DCAF13: variants seen among roughly 807,000 people sequenced by gnomAD.
The protein encoded by DCAF13 is DDB1- and CUL4-associated factor 13.
A neutral mutation model predicts 59.0 loss-of-function variants in DCAF13; 38 were observed. That is an observed-to-expected ratio of 0.64 (90% CI 0.50 to 0.84). The LOEUF (loss-of-function observed/expected upper bound fraction) is 0.84. DCAF13 is among the 40% of genes least tolerant of loss of function. The probability of loss-of-function intolerance (pLI) is 0.00; values close to 1 mark genes in which losing one functional copy is unlikely to be tolerated. For missense variants in DCAF13, 469 were observed against 558.4 expected (o/e 0.84, Z 1.61); for synonymous variants, 173 against 175.0 (o/e 0.99, Z 0.09).
rs140680400 is a variant in DCAF13 at position 103,432,579 on chromosome 8, G to A, written c.703-80G>A. The A allele has an allele frequency of 3.9e-5, 33 of 854,506 alleles. No individual in the cohort carries two copies. The African/African-American group carries it at 5.4e-4, about 14-fold the overall frequency. The allele number at this position is 854,506 out of a possible 1,614,324, so 52.9% of individuals were successfully genotyped here. ...GCTGAGTACTTTACACATAATAGGT[G>A]TTTATGAAATATTTGCTTAAATCAG... On this transcript the variant is annotated intron_variant, in intron 6 of 10. Coordinates refer to ENST00000612750, the MANE Select transcript of DCAF13 (RefSeq NM_015420.7).
At chr8:103,430,748 T>A in intron 6 of DCAF13, 59 bp downstream of exon 6, 1 of 1,215,212 alleles carries the variant, frequency 8.2e-7, no homozygotes, top group East Asian at 2.4e-5. Flanking sequence ...TCTCTGTAAA[T>A]AGAGTGACTA....
intron 5 of DCAF13, 198 bp downstream of exon 5, chr8:103,427,450 C>G (rs1816810007): frequency 3.4e-6 from 2 of 586,930 alleles, no homozygotes; most frequent in Admixed American, 3.1e-5. Flanking sequence ...GTCCCAGATA[C>G]TAGAGTTAAG....
rs1816706870 is a variant in DCAF13 at position 103,420,415 on chromosome 8, G to A, written c.222G>A (p.Lys74=). The A allele has an allele frequency of 1.2e-6, 2 of 1,614,112 alleles. No homozygotes were observed. The highest frequency in any genetic ancestry group is 2.2e-5 in the South Asian group (2 of 91,064). ...GTGATGGAGTCAATTGCTTGGCAAA[G>A]CATCCAGAGAAGCTGGCTACTGTCC... ...GHRDGVNCLA[K]HPEKLATVLS... Residue 74 remains lysine, a synonymous_variant, in exon 2 of 11, where the codon AAG becomes AAA. Coordinates refer to ENST00000612750, the MANE Select transcript of DCAF13 (RefSeq NM_015420.7).
At position 103,418,824 on chromosome 8, in the gene DCAF13, TTATATATATATATATATATATA is replaced by T. The variant is rs1188672878; in HGVS notation, c.71-1418_71-1397del. Among the ~76,000 whole-genome samples, 192 of 41,400 alleles carry T rather than the reference TTATATATATATATATATATATA, an allele frequency of 4.6e-3. 2 individuals carry two copies. Among genetic ancestry groups the T allele is most frequent in the Middle Eastern group, 0.031 (1 of 32 alleles). 27.2% of individuals were successfully genotyped at this position (41,400 alleles called of 152,430 possible). A position where few individuals can be genotyped will look rare whatever the true frequency, so the allele number is the denominator to read the frequency against. On this transcript the variant is annotated intron_variant, in intron 1 of 10. Transcript: ENST00000612750. ...GCTTAAAATTACTTTCTAAGCATAATTATATATATATATATATATATATATATATATATATATATATATTTTT... is the reference window on the plus strand; with the variant it reads ...GCTTAAAATTACTTTCTAAGCATAATTATATATATATATATATATATTTTT...
At chr8:103,441,830 A>G (rs926997678) in intron 10 of DCAF13, 1 of 470,274 alleles carries the variant, frequency 2.1e-6, no homozygotes, top group South Asian at 2.8e-5. Context: ...CAGTGGCACA[A>G]TCTTGGTTCA....
intron 3 of DCAF13, among the ~76,000 whole-genome samples, chr8:103,425,564 TAGTTTCTGC>T (rs1274934750): frequency 6.6e-6 from 1 of 152,214 alleles, no homozygotes; most frequent in Non-Finnish European, 1.5e-5. Flanking sequence ...ACTGACTTAG[TAGTTTCTGC>T]AGTTCATGCA....
intron 5 of DCAF13, chr8:103,429,774 A>C (rs950070250): frequency 6.6e-6 from 1 of 152,238 alleles, no homozygotes; most frequent in Non-Finnish European, 1.5e-5. Flanking sequence ...TGACACTTTT[A>C]AATGACACTA....
At chr8:103,422,448 C>T (rs1001283339) in intron 3 of DCAF13, among the ~76,000 whole-genome samples, 1 of 152,094 alleles carries the variant, frequency 6.6e-6, no homozygotes, top group African/African-American at 2.4e-5. Context: ...GGAATGCCCA[C>T]CTCTGGGAAG....
At chr8:103,421,147 C>A (rs1270555826) in intron 3 of DCAF13, 65 bp downstream of exon 3, 7 of 1,107,052 alleles carry the variant, frequency 6.3e-6, no homozygotes, top group Non-Finnish European at 9.6e-6. Flanking sequence ...TAATTGAATA[C>A]ATTTTTTTTC....
chr8:103,423,548 T>C (rs981892400), intron 3 of DCAF13, among the ~76,000 whole-genome samples: 2 of 151,962 alleles, frequency 1.3e-5, no homozygotes, highest in African/African-American at 2.4e-5. Flanking sequence ...GGGAGGGAGA[T>C]TGGGGAGATG....
At position 103,420,441 on chromosome 8, in the gene DCAF13, T is replaced by G. The variant is rs1704812481; in HGVS notation, c.248T>G (p.Leu83Arg). The change falls in exon 2 of 11, where the codon CTT (leucine) becomes CGT (arginine). Residue 83 changes from leucine (L) to arginine (R), a missense_variant. Leu to Arg is a moderately radical substitution (Grantham distance 102). Around this residue, in one of 3 missense-constraint regions of DCAF13, gnomAD observed 355 missense variants for 399.1 expected, o/e 0.89. Transcript: ENST00000612750. ...CATCCAGAGAAGCTGGCTACTGTCCTTTCTGGGGCGTGTGATGGAGAGGCA... is the reference window on the plus strand; with the variant it reads ...CATCCAGAGAAGCTGGCTACTGTCCGTTCTGGGGCGTGTGATGGAGAGGCA... ...AKHPEKLATV[L>R]SGACDGEVRI... 8.7e-6 allele frequency: 14 copies of G among 1,613,868 alleles called. No individual in the cohort carries two copies. The highest frequency in any genetic ancestry group is 1.2e-5 in the Non-Finnish European group (14 of 1,179,866).
At chr8:103,420,921 C>G (rs907474666) in intron 2 of DCAF13, 54 bp from the exon 3 acceptor site, 10 of 1,260,610 alleles carry the variant, frequency 7.9e-6, no homozygotes, top group Middle Eastern at 4.0e-4. Context: ...TGAATTTATC[C>G]TGAACATTTT....
At position 103,442,832 on chromosome 8, in the gene DCAF13, G is replaced by A; in HGVS notation, c.1288G>A (p.Val430Met). Residue 430 changes from valine (V) to methionine (M), a missense_variant, in exon 11 of 11, where the codon GTG becomes ATG. This residue lies in a region of DCAF13 where 84 missense variants were observed against 92.3 expected (regional missense o/e 0.91). Coordinates refer to ENST00000612750, the MANE Select transcript of DCAF13 (RefSeq NM_015420.7). ...TATTAAACACAGCAAGCCTGGATCT[G>A]TGCCACTTGTGTCAGAGAAGAAGAA... Reference protein sequence around the residue: ...NRIKHSKPGSVPLVSEKKKHV... With the variant: ...NRIKHSKPGSMPLVSEKKKHV... 6.2e-7 allele frequency: 1 copy of A among 1,607,604 alleles called. No homozygotes were observed. The highest frequency in any genetic ancestry group is 1.1e-5 in the South Asian group (1 of 90,200).
rs753542545 is a variant in DCAF13, at chr8:103,435,762, A to G, written c.922A>G (p.Ile308Val). The G allele has an allele frequency of 2.3e-5, 37 of 1,613,584 alleles. No individual in the cohort carries two copies. The highest frequency in any genetic ancestry group is 4.0e-5 in the African/African-American group (3 of 74,892). Residue 308 changes from isoleucine (I) to valine (V), a missense_variant, in exon 8 of 11, where the codon ATC becomes GTC. Coordinates refer to ENST00000612750, the MANE Select transcript of DCAF13 (RefSeq NM_015420.7). ...VSASFDKSIRIFPVDKSRSRE... is the reference protein window; with the variant it reads ...VSASFDKSIRVFPVDKSRSRE... ...TGCTAGTTTCGATAAATCTATTCGA[A>G]TCTTTCCTGTAGACAAAAGTCGAAG... is the stretch of plus-strand genomic sequence containing the variant.
At chr8:103,420,780 G>C (rs547704768) in intron 2 of DCAF13, 195 bp from the exon 3 acceptor site, 16 of 588,764 alleles carry the variant, frequency 2.7e-5, no homozygotes, top group Non-Finnish European at 4.1e-5. Flanking sequence ...TAACACTTTA[G>C]AATCAACAGA....
At chr8:103,421,825 A>G (rs918794535) in intron 3 of DCAF13, among the ~76,000 whole-genome samples, 2 of 152,250 alleles carry the variant, frequency 1.3e-5, no homozygotes, top group African/African-American at 4.8e-5. Flanking sequence ...GCTAAATAAC[A>G]TTCCATTGTA....
chr8:103,435,937 A>G (rs1366472386), intron 8 of DCAF13, 147 bp downstream of exon 8: 3 of 762,352 alleles, frequency 3.9e-6, no homozygotes, highest in Non-Finnish European at 6.5e-6. Context: ...AACGTGTTGC[A>G]CACCTAGGCT....
intron 6 of DCAF13, 52 bp downstream of exon 6, chr8:103,430,741 C>T (rs1284469219): frequency 1.5e-6 from 2 of 1,313,152 alleles, no homozygotes; most frequent in Middle Eastern, 1.9e-4. Flanking sequence ...ATATATTTCT[C>T]TGTAAATAGA....
intron 7 of DCAF13, among the ~76,000 whole-genome samples, chr8:103,434,259 A>G (rs182198013): frequency 1.3e-5 from 2 of 152,202 alleles, no homozygotes; most frequent in Admixed American, 6.5e-5. Flanking sequence ...AACTAACTCT[A>G]TATCATAGTT....
Sources: gnomAD v4.1 joint callset for allele counts (sites outside exome capture counted in the v4.1 genomes callset) on GRCh38, gnomAD v4.1.1 for gene constraint, gnomAD v4.1.1 regional missense constraint, MANE v1.5 for transcripts, NCBI Gene and HGNC (gene_info 2026-07-23, HGNC 2026-07-21) for gene names.